Variants in BIRC2 observed in about 807,000 individuals in gnomAD.
The protein encoded by BIRC2 is baculoviral IAP repeat containing 2, also known as baculoviral IAP repeat-containing protein 2.
In BIRC2, 18 loss-of-function variants were observed where a neutral mutation model predicts 60.9. The ratio of observed to expected loss-of-function variants is 0.30; its 90% CI spans 0.20 to 0.44. The LOEUF (loss-of-function observed/expected upper bound fraction) is 0.44. Among genes scored for constraint, BIRC2 ranks in the 20% least tolerant of loss-of-function variants. BIRC2 has a pLI of 1.00. For missense variants in BIRC2, 701 were observed against 728.5 expected (o/e 0.96, Z 0.43); for synonymous variants, 282 against 247.7 (o/e 1.14, Z -1.30).
At chr11:102,355,580 A>G (rs1057028716) in intron 3 of BIRC2, among the ~76,000 whole-genome samples, 2 of 151,900 alleles carry the variant, frequency 1.3e-5, no homozygotes, top group Admixed American at 6.6e-5. Context: ...TTTTTTCTCA[A>G]GATTGCTTAG....
chr11:102,375,448 A>G (rs1025178892), intron 6 of BIRC2, among the ~76,000 whole-genome samples: 7 of 152,212 alleles, frequency 4.6e-5, no homozygotes, highest in Non-Finnish European at 1.0e-4. Context: ...CAAAATATTT[A>G]AAGTCTGGAC....
At chr11:102,360,897 A>G (rs1951478511) in intron 3 of BIRC2, among the ~76,000 whole-genome samples, 1 of 151,822 alleles carries the variant, frequency 6.6e-6, no homozygotes, top group East Asian at 1.9e-4. Context: ...TGTGAACTCC[A>G]TGCAGCTCCA....
At chr11:102,368,617 G>A in intron 6 of BIRC2, 69 bp downstream of exon 6, 1 of 1,551,486 alleles carries the variant, frequency 6.4e-7, no homozygotes, top group Non-Finnish European at 8.7e-7. Flanking sequence ...ACATGTTACA[G>A]GACACCATGC....
chr11:102,365,920 T>C (rs1951548360), intron 5 of BIRC2, among the ~76,000 whole-genome samples: 1 of 152,220 alleles, frequency 6.6e-6, no homozygotes. Context: ...CATTTTTTGC[T>C]TGACTTATCA....
chr11:102,375,140 G>A (rs1343756380), intron 6 of BIRC2, among the ~76,000 whole-genome samples: 4 of 152,322 alleles, frequency 2.6e-5, no homozygotes, highest in South Asian at 4.1e-4. Context: ...CGTCGCTCAC[G>A]CTGGGAGCTG....
chr11:102,360,686 C>CTT (rs764762961), intron 3 of BIRC2, among the ~76,000 whole-genome samples: 1 of 126,032 alleles, frequency 7.9e-6, no homozygotes, highest in African/African-American at 3.0e-5. Context: ...TGTCACGTTT[C>CTT]TTTTTTTTTT....
At chr11:102,375,740 C>T (rs534817057) in intron 6 of BIRC2, among the ~76,000 whole-genome samples, 1 of 151,044 alleles carries the variant, frequency 6.6e-6, no homozygotes. Flanking sequence ...AGATCGTGCC[C>T]CTGCACTCCA....
intron 5 of BIRC2, 143 bp downstream of exon 5, chr11:102,363,859 C>T (rs1208940627): frequency 1.9e-6 from 1 of 523,718 alleles, no homozygotes. Context: ...GAGTTCGAGA[C>T]CAGCCTGGCC....
intron 6 of BIRC2, among the ~76,000 whole-genome samples, chr11:102,376,084 A>C (rs1047208406): frequency 1.3e-5 from 2 of 152,184 alleles, no homozygotes; most frequent in African/African-American, 4.8e-5. Flanking sequence ...AGCTAAGGTT[A>C]TATGAAATCA....
chr11:102,357,291 TTCC>T (rs945025858), intron 3 of BIRC2, among the ~76,000 whole-genome samples: 14 of 151,018 alleles, frequency 9.3e-5, no homozygotes, highest in Non-Finnish European at 1.5e-5. Flanking sequence ...TTCTTCCTTC[TTCC>T]TCCTCCTCCC....
Position 102,350,836 on chromosome 11 carries a change from TCCTGAAG to T in BIRC2, c.896-7_896-1del. On this transcript the variant is annotated splice_acceptor_variant and splice_polypyrimidine_tract_variant and intron_variant, in intron 2 of 8. Transcript: ENST00000227758. LOFTEE classifies it high-confidence loss of function. ...TGTTTTCAATATTTAGTCTTTTTTT[TCCTGAAG>T]GTCGCAATGATGATGTCAAATGCTT... 6.2e-7 allele frequency: 1 copy of T among 1,612,296 alleles called. No homozygotes were observed. The highest frequency in any genetic ancestry group is 1.1e-5 in the South Asian group (1 of 90,382).
At chr11:102,368,587 G>A in intron 6 of BIRC2, 39 bp downstream of exon 6, 1 of 1,599,786 alleles carries the variant, frequency 6.3e-7, no homozygotes. Context: ...GTTTCTCAGT[G>A]GAGCTCTTAG....
At chr11:102,373,067 A>C (rs1164603280) in intron 6 of BIRC2, among the ~76,000 whole-genome samples, 12 of 150,006 alleles carry the variant, frequency 8.0e-5, no homozygotes, top group Non-Finnish European at 1.8e-4. Context: ...GTGTCTCTGC[A>C]CGTGAGATGG....
intron 5 of BIRC2, among the ~76,000 whole-genome samples, chr11:102,364,715 G>A (rs745379014): frequency 6.6e-6 from 1 of 152,204 alleles, no homozygotes; most frequent in Non-Finnish European, 1.5e-5. Context: ...TGACCAAGAT[G>A]TATGAGTCTT....
At chr11:102,356,173 A>T (rs1951417398) in intron 3 of BIRC2, among the ~76,000 whole-genome samples, 1 of 147,814 alleles carries the variant, frequency 6.8e-6, no homozygotes, top group African/African-American at 2.5e-5. Context: ...CTCGTTCCTC[A>T]TGTTAGTGGA....
chr11:102,363,689 A>C lies in BIRC2; in HGVS notation c.1096A>C (p.Thr366Pro). The C allele has an allele frequency of 6.2e-7, 1 of 1,612,234 alleles. No homozygotes were observed. Among genetic ancestry groups the C allele is most frequent in the South Asian group, 1.1e-5 (1 of 90,916 alleles). ...LEQLLSTSDT[T>P]GEENADPPII... ...ATAGCTGTTGTCAACTTCAGATACC[A>C]CTGGAGAAGAAAATGCTGACCCACC... The change falls in exon 5 of 9, where the codon ACT (threonine) becomes CCT (proline). Residue 366 changes from threonine to proline, a missense_variant. This residue lies in a region of BIRC2 where 235 missense variants were observed against 208.9 expected (regional missense o/e 1.12). Coordinates refer to ENST00000227758, the MANE Select transcript of BIRC2 (RefSeq NM_001166.5).
chr11:102,348,265 C>G (rs748694215), intron 1 of BIRC2: 1 of 152,390 alleles, frequency 6.6e-6, no homozygotes, highest in Non-Finnish European at 1.5e-5. Context: ...AACCAATGTG[C>G]CTTTGCCTCC....
At chr11:102,356,825 C>A (rs1030503842) in intron 3 of BIRC2, among the ~76,000 whole-genome samples, 3 of 151,756 alleles carry the variant, frequency 2.0e-5, no homozygotes, top group African/African-American at 4.8e-5. Flanking sequence ...ACCACAGGTG[C>A]ATGCCACCAC....
chr11:102,362,850 T>C (rs1591537814), intron 3 of BIRC2, 46 bp from the exon 4 acceptor site: 10 of 1,433,076 alleles, frequency 7.0e-6, no homozygotes, highest in Non-Finnish European at 9.7e-6. Context: ...CAGGTTATAT[T>C]TGATATGAAA....
Sources: allele counts gnomAD v4.1 joint callset (sites outside exome capture counted in the v4.1 genomes callset), GRCh38; gene constraint gnomAD v4.1.1; regional missense constraint gnomAD v4.1.1; transcripts MANE v1.5; gene names NCBI Gene and HGNC (gene_info 2026-07-23, HGNC 2026-07-21).